SKP2: variants seen among roughly 807,000 people sequenced by gnomAD.
SKP2 encodes S-phase kinase associated protein 2, also known as S-phase kinase-associated protein 2.
In SKP2, 16 loss-of-function variants were observed where a neutral mutation model predicts 51.8. That is an observed-to-expected ratio of 0.31 (90% CI 0.21 to 0.47). The LOEUF is 0.47. SKP2 is among the 20% of genes least tolerant of loss of function. The probability of loss-of-function intolerance (pLI) is 1.00; values close to 1 mark genes in which losing one functional copy is unlikely to be tolerated. For synonymous variants in SKP2, 176 were observed against 198.6 expected, an observed-to-expected ratio of 0.89 and a Z score of 0.96; for missense variants, 377 against 505.3, an observed-to-expected ratio of 0.75 and a Z score of 2.43.
intron 7 of SKP2, among the ~76,000 whole-genome samples, chr5:36,175,862 A>G (rs1297678178): frequency 6.6e-6 from 1 of 152,062 alleles, no homozygotes; most frequent in Admixed American, 6.6e-5. Flanking sequence ...AACTGTTGCC[A>G]CATTGAATAT....
At chr5:36,190,797 A>G (rs1746006725) in intron 6 of SKP2, among the ~76,000 whole-genome samples, 1 of 151,936 alleles carries the variant, frequency 6.6e-6, no homozygotes, top group Non-Finnish European at 1.5e-5. Flanking sequence ...CCCCTCCAAT[A>G]CAGATAATTT....
intron 9 of SKP2, 69 bp from the exon 10 acceptor site, chr5:36,181,749 G>A: frequency 1.9e-6 from 3 of 1,551,248 alleles, no homozygotes; most frequent in Admixed American, 1.9e-5. Context: ...TAAAATTTGG[G>A]TCATATAACT....
intron 2 of SKP2, 56 bp from the exon 3 acceptor site, chr5:36,163,589 G>A (rs1745192759): frequency 4.7e-6 from 5 of 1,069,222 alleles, no homozygotes; most frequent in Non-Finnish European, 7.3e-6. Context: ...AAAAGACTCA[G>A]TAGACTTGAT....
At chr5:36,176,430 TTTA>T (rs1745634685) in intron 7 of SKP2, among the ~76,000 whole-genome samples, 1 of 151,378 alleles carries the variant, frequency 6.6e-6, no homozygotes, top group Admixed American at 6.6e-5. Context: ...CCCTGAATTA[TTTA>T]TTTAGTAATT....
intron 7 of SKP2, among the ~76,000 whole-genome samples, chr5:36,173,551 A>T (rs1190708620): frequency 1.3e-5 from 2 of 152,178 alleles, no homozygotes; most frequent in Non-Finnish European, 2.9e-5. Context: ...TCTGACATGA[A>T]TCGAGGCTCT....
chr5:36,153,073 T>C, intron 2 of SKP2, 31 bp downstream of exon 2: 1 of 1,599,892 alleles, frequency 6.3e-7, no homozygotes, highest in Non-Finnish European at 8.6e-7. Context: ...ATGTCAGTTA[T>C]GCAAAGGGTG....
intron 7 of SKP2, among the ~76,000 whole-genome samples, chr5:36,175,713 A>G (rs1443424588): frequency 1.3e-5 from 2 of 151,702 alleles, no homozygotes; most frequent in African/African-American, 4.8e-5. Context: ...CGCATTGTAT[A>G]TATTTTGTTT....
At position 36,152,878 on chromosome 5, in the gene SKP2, C is replaced by G; in HGVS notation, c.116C>G (p.Ser39Cys). 1 of 1,614,108 alleles carries G rather than the reference C, an allele frequency of 6.2e-7. No homozygotes were observed. The highest frequency in any genetic ancestry group is 8.5e-7 in the Non-Finnish European group (1 of 1,180,024). Residue 39 changes from serine to cysteine, a missense_variant, in exon 2 of 10, where the codon TCC becomes TGC. This residue lies in a region of SKP2 where 115 missense variants were observed against 115.5 expected (regional missense o/e 1.00). Coordinates refer to ENST00000274255, the MANE Select transcript of SKP2 (RefSeq NM_005983.4). Reference protein sequence around the residue: ...TSELLSGMGVSALEKEEPDSE... With the variant: ...TSELLSGMGVCALEKEEPDSE... ...GAACTGCTGTCAGGCATGGGGGTCT[C>G]CGCCCTGGAGAAAGAGGAGCCCGAC...
intron 3 of SKP2, among the ~76,000 whole-genome samples, chr5:36,165,738 C>A (rs1198109520): frequency 6.6e-6 from 1 of 152,212 alleles, no homozygotes; most frequent in Non-Finnish European, 1.5e-5. Flanking sequence ...AAAGAAAATT[C>A]TAGTACACCT....
At chr5:36,171,482 G>T (rs1040146384) in intron 6 of SKP2, 121 bp from the exon 7 acceptor site, 1 of 901,944 alleles carries the variant, frequency 1.1e-6, no homozygotes, top group Non-Finnish European at 1.7e-6. Flanking sequence ...AGAGAAGCAG[G>T]TGTTCTGTGC....
intron 9 of SKP2, among the ~76,000 whole-genome samples, chr5:36,178,845 G>T (rs1026236673): frequency 6.6e-6 from 1 of 152,046 alleles, no homozygotes; most frequent in Non-Finnish European, 1.5e-5. Flanking sequence ...AAGCAGAGGC[G>T]AGGGGAAGGC....
At chr5:36,180,014 A>G (rs1464057186) in intron 9 of SKP2, among the ~76,000 whole-genome samples, 1 of 151,654 alleles carries the variant, frequency 6.6e-6, no homozygotes, top group Non-Finnish European at 1.5e-5. Context: ...ACCCCCTTAT[A>G]TATAACACCC....
At chr5:36,191,008 T>C (rs1211304318) in intron 6 of SKP2, among the ~76,000 whole-genome samples, 1 of 152,246 alleles carries the variant, frequency 6.6e-6, no homozygotes, top group East Asian at 1.9e-4. Flanking sequence ...TTAAATTCTC[T>C]AAATCTTAAA....
chr5:36,166,791 T>C (rs1561535661), intron 4 of SKP2, 129 bp downstream of exon 4: 3 of 747,772 alleles, frequency 4.0e-6, no homozygotes, highest in South Asian at 1.9e-5. Context: ...GTGTGGGATG[T>C]TAATTCCATA....
At chr5:36,152,639 C>A in intron 1 of SKP2, 132 bp from the exon 2 acceptor site, 2 of 903,438 alleles carry the variant, frequency 2.2e-6, no homozygotes, top group Non-Finnish European at 3.4e-6. Flanking sequence ...GCCGCAGGCA[C>A]ATAAAAAATG....
At chr5:36,153,074 G>A in intron 2 of SKP2, 32 bp downstream of exon 2, 1 of 1,599,042 alleles carries the variant, frequency 6.3e-7, no homozygotes, top group Non-Finnish European at 8.6e-7. Context: ...TGTCAGTTAT[G>A]CAAAGGGTGG....
intron 3 of SKP2, among the ~76,000 whole-genome samples, chr5:36,165,987 A>G (rs1347477346): frequency 6.6e-6 from 1 of 152,188 alleles, no homozygotes; most frequent in East Asian, 1.9e-4. Context: ...CAAATATATT[A>G]TAAGGCACAG....
intron 2 of SKP2, among the ~76,000 whole-genome samples, chr5:36,158,938 G>A (rs935906387): frequency 2.0e-5 from 3 of 152,162 alleles, no homozygotes; most frequent in African/African-American, 7.2e-5. Context: ...ACAGTGCTGT[G>A]CACATAGTCG....
chr5:36,176,119 A>G (rs1463475406), intron 7 of SKP2, among the ~76,000 whole-genome samples: 1 of 151,956 alleles, frequency 6.6e-6, no homozygotes, highest in Non-Finnish European at 1.5e-5. Flanking sequence ...ATTTTTTTTC[A>G]CTTGATGGCT....
Sources: gnomAD v4.1 joint callset for allele counts (sites outside exome capture counted in the v4.1 genomes callset) on GRCh38, gnomAD v4.1.1 for gene constraint, gnomAD v4.1.1 regional missense constraint, MANE v1.5 for transcripts, NCBI Gene and HGNC (gene_info 2026-07-23, HGNC 2026-07-21) for gene names.